The following GRIK4 variants were observed in gnomAD, a reference collection of about 807,000 sequenced individuals.
The protein encoded by GRIK4 is glutamate receptor ionotropic, kainate 4.
Under a neutral mutation model 104.9 loss-of-function variants are expected in GRIK4, and 40 were observed. That is an observed-to-expected ratio of 0.38 (90% CI 0.30 to 0.50). GRIK4 has a LOEUF of 0.50. Ranked by LOEUF, GRIK4 falls within the 20% of genes least tolerant of loss-of-function variation. The pLI is 0.93. For synonymous variants in GRIK4, 485 were observed against 524.9 expected, an observed-to-expected ratio of 0.92 and a Z score of 1.04; for missense variants, 1,047 against 1,308.1, an observed-to-expected ratio of 0.80 and a Z score of 3.08.
chr11:120,863,023 T>G (rs1232507530), intron 9 of GRIK4, among the ~76,000 whole-genome samples: 1 of 152,190 alleles, frequency 6.6e-6, no homozygotes, highest in African/African-American at 2.4e-5. Context: ...ACATAGCCAG[T>G]GAGCAGAGGA....
At chr11:120,830,187 GAAAA>G (rs559392750) in intron 6 of GRIK4, among the ~76,000 whole-genome samples, 108 of 112,800 alleles carry the variant, frequency 9.6e-4, no homozygotes, top group Admixed American at 2.3e-3. Flanking sequence ...TTCCTATGAA[GAAAA>G]AAAAAAAAAA....
intron 3 of GRIK4, among the ~76,000 whole-genome samples, chr11:120,736,876 A>G (rs748790493): frequency 2.6e-5 from 4 of 151,996 alleles, no homozygotes; most frequent in African/African-American, 4.8e-5. Flanking sequence ...TGGTTGTGAT[A>G]TACCATTTCC....
intron 3 of GRIK4, among the ~76,000 whole-genome samples, chr11:120,744,424 G>A (rs760105877): frequency 3.9e-5 from 6 of 152,146 alleles, no homozygotes; most frequent in Admixed American, 6.5e-5. Context: ...GTTTTAATTC[G>A]TACTAAATAG....
At chr11:120,851,151 T>C (rs1953964084) in intron 8 of GRIK4, among the ~76,000 whole-genome samples, 1 of 152,184 alleles carries the variant, frequency 6.6e-6, no homozygotes, top group African/African-American at 2.4e-5. Flanking sequence ...GCTCTCTTGC[T>C]TAAAACCCTT....
chr11:120,679,198 A>G (rs1347996331), intron 3 of GRIK4, among the ~76,000 whole-genome samples: 1 of 152,208 alleles, frequency 6.6e-6, no homozygotes, highest in African/African-American at 2.4e-5. Flanking sequence ...ATGAAAAACC[A>G]GAGGCTCAGA....
intron 1 of GRIK4, among the ~76,000 whole-genome samples, chr11:120,552,175 A>G (rs1003429365): frequency 6.6e-6 from 1 of 152,156 alleles, no homozygotes; most frequent in African/African-American, 2.4e-5. Context: ...CTGGCTGTGG[A>G]GGGCAGTCTT....
chr11:120,613,596 A>G lies in GRIK4; in HGVS notation c.-158-40089A>G, dbSNP rs146186966. ...GTACACATTGTTCTTGCTCCCTTGA[A>G]AGGTGCTGCAGACATGATGTGCAGG... On this transcript the variant is annotated intron_variant, in intron 1 of 20. Transcript: ENST00000527524. Among the ~76,000 whole-genome samples the G allele has an allele frequency of 5.1e-4, 78 of 152,282 alleles. No individual in the cohort carries two copies. In the East Asian group the frequency reaches 0.011, roughly 22 times the overall value.
At chr11:120,686,790 C>T (rs1286294722) in intron 3 of GRIK4, among the ~76,000 whole-genome samples, 1 of 152,216 alleles carries the variant, frequency 6.6e-6, no homozygotes, top group Non-Finnish European at 1.5e-5. Context: ...CATACACCAC[C>T]TGGGAAACTG....
In GRIK4 at chr11:120,952,547, C is replaced by G. The variant is rs1446549466; in HGVS notation, c.1591-308C>G. Reference sequence around the variant, plus strand: ...CATCCTCCACCCCCGATGGAGGACACAGGGTGGTACTTCGGGGCACTGAGG... The same window carrying G: ...CATCCTCCACCCCCGATGGAGGACAGAGGGTGGTACTTCGGGGCACTGAGG... On this transcript the variant is annotated intron_variant, in intron 14 of 20. Coordinates refer to ENST00000527524, the MANE Select transcript of GRIK4 (RefSeq NM_014619.5). The surrounding 1 kb of genome is among the most constrained non-coding windows in gnomAD (Gnocchi z 5.2). Among the ~76,000 whole-genome samples, 1 of 152,176 alleles carries G rather than the reference C, an allele frequency of 6.6e-6. No individual in the cohort carries two copies. Among genetic ancestry groups the G allele is most frequent in the East Asian group, 1.9e-4 (1 of 5,184 alleles).
At chr11:120,606,207 C>T (rs1245626202) in intron 1 of GRIK4, among the ~76,000 whole-genome samples, 3 of 152,166 alleles carry the variant, frequency 2.0e-5, no homozygotes, top group South Asian at 2.1e-4. Flanking sequence ...GACAGATTCA[C>T]GTTTTTCATG....
At chr11:120,950,008 C>G in intron 14 of GRIK4, among the ~76,000 whole-genome samples, 1 of 152,174 alleles carries the variant, frequency 6.6e-6, no homozygotes, top group East Asian at 1.9e-4. Context: ...ACCTGATTTG[C>G]CCCAAGCGCC....
At chr11:120,962,099 G>A (rs1281592238) in intron 17 of GRIK4, among the ~76,000 whole-genome samples, 2 of 152,122 alleles carry the variant, frequency 1.3e-5, no homozygotes, top group Non-Finnish European at 2.9e-5. Context: ...CCCAAATTGA[G>A]GGACAATGAA....
chr11:120,822,703 C>T (rs1208472920), intron 6 of GRIK4, among the ~76,000 whole-genome samples: 1 of 152,144 alleles, frequency 6.6e-6, no homozygotes, highest in Non-Finnish European at 1.5e-5. Flanking sequence ...CAGGACAGCT[C>T]GGCTTTGATG....
intron 3 of GRIK4, among the ~76,000 whole-genome samples, chr11:120,786,425 G>A (rs1343075027): frequency 6.6e-6 from 1 of 152,166 alleles, no homozygotes. Context: ...CTAACCCATT[G>A]GACAGCTTTT....
intron 11 of GRIK4, among the ~76,000 whole-genome samples, chr11:120,876,889 C>G (rs1156263401): frequency 6.6e-6 from 1 of 152,224 alleles, no homozygotes; most frequent in Non-Finnish European, 1.5e-5. Flanking sequence ...CAAGGTGATT[C>G]TAATGAAGCC....
intron 2 of GRIK4, among the ~76,000 whole-genome samples, chr11:120,658,156 C>CT (rs113425829): frequency 0.18 from 26,338 of 150,118 alleles, 5,202 homozygotes; most frequent in African/African-American, 0.49. Flanking sequence ...TTGTACCAGT[C>CT]TTTTTTTTTG....
chr11:120,808,016 C>A (rs1442649656), intron 4 of GRIK4, among the ~76,000 whole-genome samples: 2 of 152,108 alleles, frequency 1.3e-5, no homozygotes, highest in Admixed American at 6.5e-5. Context: ...CTGGCCAGAC[C>A]TTAGAATGTT....
chr11:120,952,765 ACT>A lies in GRIK4; in HGVS notation c.1591-88_1591-87del. The A allele has an allele frequency of 1.2e-6, 1 of 851,350 alleles. No homozygotes were observed. Among genetic ancestry groups the A allele is most frequent in the Non-Finnish European group, 2.0e-6 (1 of 489,376 alleles). 52.7% of individuals were successfully genotyped at this position (851,350 alleles called of 1,614,324 possible). On this transcript the variant is annotated intron_variant, in intron 14 of 20. Transcript: ENST00000527524. This position sits in a 1 kb window ranked among gnomAD's most constrained non-coding sequence, Gnocchi z 5.2. ...AAATGGGAACTGGGGCCAGACCCAC[ACT>A]CACTACCTCCTCTACCCCGCCCTGC...
chr11:120,517,841 C>G (rs1301958199), intron 1 of GRIK4, among the ~76,000 whole-genome samples: 1 of 151,968 alleles, frequency 6.6e-6, no homozygotes, highest in Non-Finnish European at 1.5e-5. Flanking sequence ...GGAGTAGACA[C>G]AGGTTTAGAA....
Sources: allele counts gnomAD v4.1 joint callset (sites outside exome capture counted in the v4.1 genomes callset), GRCh38; gene constraint gnomAD v4.1.1; non-coding constraint Gnocchi (gnomAD v3.1); transcripts MANE v1.5; gene names NCBI Gene and HGNC (gene_info 2026-07-23, HGNC 2026-07-21).